Variants in CACNA1C observed in about 807,000 individuals in gnomAD.
The protein encoded by CACNA1C is voltage-dependent L-type calcium channel subunit alpha-1C.
CACNA1C carries 30 observed loss-of-function variants against 229.0 expected under a neutral mutation model. The ratio of observed to expected loss-of-function variants is 0.13; its 90% CI spans 0.10 to 0.18. The LOEUF is 0.18. Ranked by LOEUF, CACNA1C falls within the 10% of genes least tolerant of loss-of-function variation. The pLI is 1.00. For synonymous variants in CACNA1C, 1,114 were observed against 1,132.5 expected (o/e 0.98, Z 0.33); for missense variants, 1,658 against 2,845.0 (o/e 0.58, Z 9.49).
chr12:2,141,309 G>A (rs1210034813), intron 3 of CACNA1C, among the ~76,000 whole-genome samples: 2 of 151,272 alleles, frequency 1.3e-5, no homozygotes, highest in Non-Finnish European at 3.0e-5. Context: ...AGCAGAGATA[G>A]GCGAGGGTTA....
intron 3 of CACNA1C, among the ~76,000 whole-genome samples, chr12:2,136,931 C>T (rs990414169): frequency 6.6e-6 from 1 of 151,392 alleles, no homozygotes; most frequent in Non-Finnish European, 1.5e-5. Flanking sequence ...AGGGACCCTT[C>T]TCGTGGACTG....
chr12:2,387,072 A>G (rs2098404180), intron 3 of CACNA1C, among the ~76,000 whole-genome samples: 1 of 152,336 alleles, frequency 6.6e-6, no homozygotes, highest in African/African-American at 2.4e-5. Context: ...CTGTCCATTC[A>G]TTATTCATTC....
chr12:2,033,580 A>G (rs1446630307), intron 1 of CACNA1C, among the ~76,000 whole-genome samples: 4 of 152,180 alleles, frequency 2.6e-5, no homozygotes, highest in Non-Finnish European at 5.9e-5. Flanking sequence ...CATGATTCAC[A>G]GTATAATCCT....
rs960165913 is a variant in CACNA1C, at chr12:2,403,819, G to T, written c.478-45157G>T. On this transcript the variant is annotated intron_variant, in intron 3 of 46. Coordinates refer to ENST00000399655, the MANE Select transcript of CACNA1C (RefSeq NM_000719.7). The surrounding 1 kb of genome is among the most constrained non-coding windows in gnomAD (Gnocchi z 4.1). ...TTTCCCACCACAAGATGACGAAGAT[G>T]TGGTGTTGACAGACTGCTGGTGTCC... Among the ~76,000 whole-genome samples the T allele has an allele frequency of 1.3e-5, 2 of 152,204 alleles. No individual in the cohort carries two copies. Among genetic ancestry groups the T allele is most frequent in the African/African-American group, 4.8e-5 (2 of 41,450 alleles).
chr12:2,507,427 C>G (rs1451238718), intron 8 of CACNA1C, among the ~76,000 whole-genome samples: 1 of 152,214 alleles, frequency 6.6e-6, no homozygotes, highest in Non-Finnish European at 1.5e-5. Context: ...GTTGGCTGAC[C>G]ACTCAGAGGC....
intron 1 of CACNA1C, among the ~76,000 whole-genome samples, chr12:2,043,312 T>C (rs1309782753): frequency 6.6e-6 from 1 of 152,232 alleles, no homozygotes; most frequent in Non-Finnish European, 1.5e-5. Flanking sequence ...ATTTTCCACA[T>C]TCCTGGAGCT....
chr12:2,227,471 T>G (rs1467057715), intron 3 of CACNA1C, among the ~76,000 whole-genome samples: 1 of 152,212 alleles, frequency 6.6e-6, no homozygotes, highest in African/African-American at 2.4e-5. Flanking sequence ...ATTGTCCTGT[T>G]AGAAGGATTA....
In CACNA1C at chr12:2,181,742, C is replaced by T. The variant is rs756918412; in HGVS notation, c.477+61312C>T. Among the ~76,000 whole-genome samples the T allele has an allele frequency of 1.3e-5, 2 of 152,084 alleles. No individual in the cohort carries two copies. The highest frequency in any genetic ancestry group is 2.4e-5 in the African/African-American group (1 of 41,396). On this transcript the variant is annotated intron_variant, in intron 3 of 46. Transcript: ENST00000399655. The surrounding 1 kb of genome is among the most constrained non-coding windows in gnomAD (Gnocchi z 4.0). ...TTTTTACAGCTCATTACTGAATCCT[C>T]ACAATAACCCCATGGGGTAGATATT...
At position 2,591,683 on chromosome 12, in the gene CACNA1C, C is replaced by A. The variant is rs142381003; in HGVS notation, c.2531-1530C>A. On this transcript the variant is annotated intron_variant, in intron 18 of 46. Transcript: ENST00000399655. Reference sequence around the variant, plus strand: ...GAGGAAGGACGGAGCACACAGTGAGCTTGTCAGCTCACTAGGGCTGCCATA... The same window carrying A: ...GAGGAAGGACGGAGCACACAGTGAGATTGTCAGCTCACTAGGGCTGCCATA... Among the ~76,000 whole-genome samples the A allele has an allele frequency of 4.1e-4, 63 of 152,268 alleles. 2 individuals are homozygous for A. The highest frequency in any genetic ancestry group is 1.5e-3 in the African/African-American group (62 of 41,556).
intron 3 of CACNA1C, among the ~76,000 whole-genome samples, chr12:2,295,152 T>G (rs1591961255): frequency 6.6e-6 from 1 of 152,154 alleles, no homozygotes; most frequent in Non-Finnish European, 1.5e-5. Context: ...CCCCGTGCCC[T>G]TCAGTCCCCT....
At position 2,053,674 on chromosome 12, in the gene CACNA1C, C is replaced by T; in HGVS notation, c.49+63C>T. 1 of 1,487,406 alleles carries T rather than the reference C, an allele frequency of 6.7e-7. No homozygotes were observed. The highest frequency in any genetic ancestry group is 9.0e-7 in the Non-Finnish European group (1 of 1,116,182). 92.1% of individuals were successfully genotyped at this position (1,487,406 alleles called of 1,614,324 possible). On this transcript the variant is annotated intron_variant, in intron 1 of 46. Coordinates refer to ENST00000399655, the MANE Select transcript of CACNA1C (RefSeq NM_000719.7). This position sits in a 1 kb window ranked among gnomAD's most constrained non-coding sequence, Gnocchi z 5.8. ...CCTTTTCCACCGGGTTCCTGCCCTACCCGCGCTCCCCGCGGCCCCGGGGCC... is the reference window on the plus strand; with the variant it reads ...CCTTTTCCACCGGGTTCCTGCCCTATCCGCGCTCCCCGCGGCCCCGGGGCC...
intron 18 of CACNA1C, among the ~76,000 whole-genome samples, chr12:2,587,616 G>A (rs889246894): frequency 6.6e-6 from 1 of 152,056 alleles, no homozygotes; most frequent in South Asian, 2.1e-4. Context: ...AAAAAAAAGG[G>A]CTAATGAGGA....
chr12:2,600,899 A>G (rs1363976276), intron 21 of CACNA1C, among the ~76,000 whole-genome samples: 4 of 152,152 alleles, frequency 2.6e-5, no homozygotes, highest in African/African-American at 9.7e-5. Flanking sequence ...CATCCTAAGT[A>G]TTTTACATAG....
chr12:1,996,662 A>AAAAT (rs2040989544), intron 1 of CACNA1C, among the ~76,000 whole-genome samples: 1 of 104,034 alleles, frequency 9.6e-6, no homozygotes, highest in Non-Finnish European at 1.9e-5. Context: ...AAAACAACAA[A>AAAAT]CTCTTCTAAT....
intron 8 of CACNA1C, among the ~76,000 whole-genome samples, chr12:2,510,961 C>T (rs1568130166): frequency 6.6e-6 from 1 of 152,208 alleles, no homozygotes; most frequent in Non-Finnish European, 1.5e-5. Context: ...GATGGCATCT[C>T]TCTATGATCA....
intron 3 of CACNA1C, among the ~76,000 whole-genome samples, chr12:2,144,265 A>C (rs114823192): frequency 0.014 from 2,090 of 151,468 alleles, 60 homozygotes; most frequent in African/African-American, 0.046. Flanking sequence ...GCCGGGCTTG[A>C]GTGCCATCTT....
At chr12:2,538,758 G>A (rs561863456) in intron 9 of CACNA1C, among the ~76,000 whole-genome samples, 30 of 152,302 alleles carry the variant, frequency 2.0e-4, no homozygotes, top group African/African-American at 7.0e-4. Context: ...ATATGGCCAC[G>A]TGCTTGATCT....
At chr12:2,064,453 CTG>C (rs2058632479) in intron 1 of CACNA1C, among the ~76,000 whole-genome samples, 1 of 152,090 alleles carries the variant, frequency 6.6e-6, no homozygotes, top group Non-Finnish European at 1.5e-5. Flanking sequence ...GTGCTCTGTG[CTG>C]GCCAGGTGCT....
chr12:2,556,348 C>T (rs1197082238), intron 10 of CACNA1C, among the ~76,000 whole-genome samples: 1 of 152,218 alleles, frequency 6.6e-6, no homozygotes, highest in Non-Finnish European at 1.5e-5. Flanking sequence ...CCCTGAGCTT[C>T]TGCCCAGAGG....
Sources: allele counts gnomAD v4.1 joint callset (sites outside exome capture counted in the v4.1 genomes callset), GRCh38; gene constraint gnomAD v4.1.1; non-coding constraint Gnocchi (gnomAD v3.1); transcripts MANE v1.5; gene names NCBI Gene and HGNC (gene_info 2026-07-23, HGNC 2026-07-21).